ESRRB: variants seen among roughly 807,000 people sequenced by gnomAD.
The protein encoded by ESRRB is steroid hormone receptor ERR2.
A neutral mutation model predicts 46.0 loss-of-function variants in ESRRB; 16 were observed. The ratio of observed to expected loss-of-function variants is 0.35; its 90% CI spans 0.24 to 0.53. ESRRB has a LOEUF of 0.53. ESRRB is among the 20% of genes least tolerant of loss of function. The probability of loss-of-function intolerance (pLI) is 0.93; values close to 1 mark genes in which losing one functional copy is unlikely to be tolerated. For missense variants in ESRRB, 488 were observed against 607.4 expected (o/e 0.80, Z 2.07); for synonymous variants, 246 against 259.6 (o/e 0.95, Z 0.50).
At chr14:76,315,419 T>G (rs76016581) in intron 1 of ESRRB, among the ~76,000 whole-genome samples, 3,904 of 152,276 alleles carry the variant, frequency 0.026, 155 homozygotes, top group African/African-American at 0.089. Flanking sequence ...GAGCTGCAGT[T>G]AAGCATGCGC....
Position 76,498,270 on chromosome 14 carries a change from G to A in ESRRB, c.1177G>A (p.Glu393Lys), listed in dbSNP as rs747893418. Reference protein sequence around the residue: ...AVQKLQDLLHEALQDYELSQR... With the variant: ...AVQKLQDLLHKALQDYELSQR... ...CCAGAAGCTGCAGGACCTGCTGCAC[G>A]AGGCACTGCAGGACTACGAGCTGAG... Residue 393 changes from glutamate (E) to lysine (K), a missense_variant, in exon 7 of 7, where the codon GAG (glutamate) becomes AAG (lysine). By Grantham distance (56) the Glu-to-Lys change is moderately conservative (BLOSUM62 1). Transcript: ENST00000644823. The A allele has an allele frequency of 6.1e-5, 98 of 1,613,778 alleles. No homozygotes were observed. The Admixed American group carries it at 8.7e-4, about 14-fold the overall frequency.
intron 3 of ESRRB, among the ~76,000 whole-genome samples, chr14:76,464,939 A>G (rs970693219): frequency 1.3e-5 from 2 of 151,968 alleles, no homozygotes; most frequent in African/African-American, 4.8e-5. Flanking sequence ...TTGGAGACTC[A>G]TTCATTCCTC....
chr14:76,338,292 G>T (rs921645728), intron 1 of ESRRB, among the ~76,000 whole-genome samples: 33 of 152,204 alleles, frequency 2.2e-4, no homozygotes, highest in Admixed American at 8.5e-4. Context: ...GGGTGGGCAT[G>T]GAGCGAGCAC....
At chr14:76,432,671 C>CTTTTTTT (rs529243634) in intron 1 of ESRRB, among the ~76,000 whole-genome samples, 12 of 111,474 alleles carry the variant, frequency 1.1e-4, no homozygotes, top group African/African-American at 2.6e-4. Context: ...TTCTCTCTCT[C>CTTTTTTT]TTTTTTTTTT....
At chr14:76,402,002 C>T (rs1349602488) in intron 1 of ESRRB, among the ~76,000 whole-genome samples, 1 of 152,190 alleles carries the variant, frequency 6.6e-6, no homozygotes. Context: ...CCAGGAAGAG[C>T]CAATATTTCA....
At chr14:76,487,033 AT>A (rs1317375657) in intron 5 of ESRRB, among the ~76,000 whole-genome samples, 1 of 152,136 alleles carries the variant, frequency 6.6e-6, no homozygotes, top group Non-Finnish European at 1.5e-5. Context: ...AGAGTTCCAA[AT>A]TCCCCATCCT....
intron 1 of ESRRB, among the ~76,000 whole-genome samples, chr14:76,334,743 A>G (rs569009788): frequency 6.6e-6 from 1 of 152,258 alleles, no homozygotes; most frequent in Admixed American, 6.5e-5. Flanking sequence ...GTGCTGTACA[A>G]GCCATTTTCT....
chr14:76,420,368 G>C (rs1214034611), intron 1 of ESRRB, among the ~76,000 whole-genome samples: 2 of 152,160 alleles, frequency 1.3e-5, no homozygotes, highest in East Asian at 3.9e-4. Flanking sequence ...CTTCAGAGCA[G>C]ACACCATATC....
chr14:76,360,219 G>A (rs752713484), intron 1 of ESRRB, among the ~76,000 whole-genome samples: 13 of 152,086 alleles, frequency 8.5e-5, no homozygotes, highest in South Asian at 2.1e-4. Flanking sequence ...TGAGTCCAGC[G>A]TGTTGTATGG....
chr14:76,394,570 G>C (rs189951394), intron 1 of ESRRB, among the ~76,000 whole-genome samples: 65 of 152,324 alleles, frequency 4.3e-4, no homozygotes, highest in African/African-American at 1.5e-3. Context: ...TTTTACAGAA[G>C]AGAAAACTGA....
At chr14:76,476,985 G>A (rs371211675) in intron 3 of ESRRB, among the ~76,000 whole-genome samples, 44 of 152,312 alleles carry the variant, frequency 2.9e-4, no homozygotes, top group African/African-American at 1.0e-3. Flanking sequence ...CCAGCTACTC[G>A]AGAGGCTGAG....
chr14:76,415,821 A>C (rs529237202), intron 1 of ESRRB, among the ~76,000 whole-genome samples: 37 of 151,910 alleles, frequency 2.4e-4, no homozygotes, highest in Admixed American at 1.8e-3. Flanking sequence ...CTTTCTTTTC[A>C]TTTTCTTTTT....
At chr14:76,402,809 C>T (rs1886000422) in intron 1 of ESRRB, among the ~76,000 whole-genome samples, 1 of 152,156 alleles carries the variant, frequency 6.6e-6, no homozygotes, top group African/African-American at 2.4e-5. Context: ...GCTGGGACTA[C>T]AGGCATGACA....
intron 1 of ESRRB, among the ~76,000 whole-genome samples, chr14:76,330,066 G>C (rs555028732): frequency 6.6e-6 from 1 of 152,132 alleles, no homozygotes; most frequent in East Asian, 1.9e-4. Flanking sequence ...AGCGAATGAC[G>C]GACACACCTG....
chr14:76,473,789 G>A (rs754929902), intron 3 of ESRRB, among the ~76,000 whole-genome samples: 1 of 152,248 alleles, frequency 6.6e-6, no homozygotes, highest in Non-Finnish European at 1.5e-5. Flanking sequence ...ATCCAATCCC[G>A]GATGTGTAAG....
At chr14:76,416,715 C>T (rs1007041403) in intron 1 of ESRRB, among the ~76,000 whole-genome samples, 12 of 151,158 alleles carry the variant, frequency 7.9e-5, no homozygotes, top group Admixed American at 5.3e-4. Flanking sequence ...GTGATCCACC[C>T]GCCTCGGCCT....
intron 1 of ESRRB, among the ~76,000 whole-genome samples, chr14:76,398,135 A>C (rs2139833994): frequency 6.6e-6 from 1 of 152,354 alleles, no homozygotes; most frequent in South Asian, 2.1e-4. Context: ...GCTGGCATGC[A>C]TTGAAGTATT....
chr14:76,487,190 G>C (rs886568520), intron 5 of ESRRB, among the ~76,000 whole-genome samples: 1 of 152,162 alleles, frequency 6.6e-6, no homozygotes. Context: ...ATACAAAATA[G>C]TAGCACTTAC....
chr14:76,462,875 C>G (rs548330958), intron 3 of ESRRB, among the ~76,000 whole-genome samples: 1 of 152,314 alleles, frequency 6.6e-6, no homozygotes, highest in South Asian at 2.1e-4. Flanking sequence ...CATTAAGGAT[C>G]CTTCCGAACC....
Sources: gnomAD v4.1 joint callset for allele counts (sites outside exome capture counted in the v4.1 genomes callset) on GRCh38, gnomAD v4.1.1 for gene constraint, MANE v1.5 for transcripts, NCBI Gene and HGNC (gene_info 2026-07-23, HGNC 2026-07-21) for gene names.